ELMO1: variants seen among roughly 807,000 people sequenced by gnomAD.
The protein encoded by ELMO1 is engulfment and cell motility 1, also known as engulfment and cell motility protein 1.
ELMO1 carries 26 observed loss-of-function variants against 98.9 expected under a neutral mutation model. That is an observed-to-expected ratio of 0.26 (90% confidence interval 0.19 to 0.36). The LOEUF is 0.36. Among genes scored for constraint, ELMO1 ranks in the 10% least tolerant of loss-of-function variants. The pLI is 1.00. For missense variants in ELMO1, 627 were observed against 935.2 expected (o/e 0.67, Z 4.30); for synonymous variants, 346 against 346.0 (o/e 1.00, Z 0.00).
chr7:37,001,701 C>T (rs531436634), intron 16 of ELMO1, among the ~76,000 whole-genome samples: 40 of 152,192 alleles, frequency 2.6e-4, no homozygotes, highest in South Asian at 2.1e-3. Flanking sequence ...TGGGGGAAGA[C>T]GTTTCTGGTA....
At chr7:37,169,418 A>T (rs1789991226) in intron 13 of ELMO1, among the ~76,000 whole-genome samples, 1 of 151,988 alleles carries the variant, frequency 6.6e-6, no homozygotes, top group Non-Finnish European at 1.5e-5. Context: ...TGCAGAAATC[A>T]CCCGTCTTCT....
chr7:37,196,841 TCTTGTGG>T (rs1046521850), intron 13 of ELMO1, among the ~76,000 whole-genome samples: 1 of 152,206 alleles, frequency 6.6e-6, no homozygotes, highest in African/African-American at 2.4e-5. Flanking sequence ...GTGTCTTGTG[TCTTGTGG>T]AGACAGAATG....
chr7:37,414,640 AC>A (rs1439312762), intron 1 of ELMO1, among the ~76,000 whole-genome samples: 1 of 152,216 alleles, frequency 6.6e-6, no homozygotes, highest in African/African-American at 2.4e-5. Context: ...ACCCTAAATG[AC>A]CCAGAGAGTG....
At chr7:37,179,279 C>CTTTT (rs67076734) in intron 13 of ELMO1, among the ~76,000 whole-genome samples, 5 of 135,356 alleles carry the variant, frequency 3.7e-5, no homozygotes, top group Admixed American at 1.5e-4. Context: ...GCATATAGCT[C>CTTTT]TTTTTTTTTT....
chr7:37,278,825 T>A (rs1028920966), intron 4 of ELMO1, among the ~76,000 whole-genome samples: 2 of 152,200 alleles, frequency 1.3e-5, no homozygotes, highest in South Asian at 4.1e-4. Context: ...CTCTGTCTTA[T>A]CAGGGTCAAT....
At chr7:36,956,909 T>C (rs1401002545) in intron 16 of ELMO1, among the ~76,000 whole-genome samples, 1 of 152,212 alleles carries the variant, frequency 6.6e-6, no homozygotes, top group Non-Finnish European at 1.5e-5. Context: ...ACTACTCTTC[T>C]GGTAGCCTGT....
At chr7:37,039,116 T>C (rs1795354710) in intron 15 of ELMO1, among the ~76,000 whole-genome samples, 1 of 152,048 alleles carries the variant, frequency 6.6e-6, no homozygotes, top group Non-Finnish European at 1.5e-5. Context: ...AGAAAATGAG[T>C]CACTGCTCCA....
rs149722496 is a variant in ELMO1 at position 37,271,874 on chromosome 7, A to G, written c.201T>C (p.Asn67=). 17 of 1,609,734 alleles carry G rather than the reference A, an allele frequency of 1.1e-5. No homozygotes were observed. In the African/African-American group the frequency reaches 2.3e-4, roughly 22 times the overall value. Residue 67 remains asparagine, a synonymous_variant, in exon 5 of 22, where the codon AAT becomes AAC. Coordinates refer to ENST00000310758, the MANE Select transcript of ELMO1 (RefSeq NM_014800.11). ...SNFYITEKNR[N]EIKNGTILRL... ...GAAGGATAGTGCCATTTTTTATCTCATTGCGGTTCTGGAAAAGAAGAAAAA... is the reference window on the plus strand; with the variant it reads ...GAAGGATAGTGCCATTTTTTATCTCGTTGCGGTTCTGGAAAAGAAGAAAAA...
intron 14 of ELMO1, 101 bp downstream of exon 14, chr7:37,133,029 T>A: frequency 1.4e-6 from 1 of 710,776 alleles, no homozygotes; most frequent in South Asian, 4.2e-5. Flanking sequence ...AGACAGAAAA[T>A]ATGGGGTCAC....
chr7:37,181,757 T>C (rs1219822309), intron 13 of ELMO1, among the ~76,000 whole-genome samples: 3 of 152,228 alleles, frequency 2.0e-5, no homozygotes, highest in African/African-American at 2.4e-5. Context: ...TGAGGTTTGA[T>C]TGCAGGTCAG....
intron 3 of ELMO1, among the ~76,000 whole-genome samples, chr7:37,315,708 C>T (rs1799118150): frequency 6.6e-6 from 1 of 152,218 alleles, no homozygotes; most frequent in South Asian, 2.1e-4. Flanking sequence ...CCACTGTGCA[C>T]ATAACAGCCA....
chr7:37,061,564 T>C (rs1325848148), intron 15 of ELMO1, among the ~76,000 whole-genome samples: 1 of 152,078 alleles, frequency 6.6e-6, no homozygotes, highest in African/African-American at 2.4e-5. Context: ...AAAACAGACA[T>C]TGAGGTGGAC....
chr7:37,187,005 G>T (rs1187515342), intron 13 of ELMO1, among the ~76,000 whole-genome samples: 1 of 152,172 alleles, frequency 6.6e-6, no homozygotes, highest in Non-Finnish European at 1.5e-5. Flanking sequence ...AACTTATACA[G>T]AAGTGTTCAT....
intron 16 of ELMO1, among the ~76,000 whole-genome samples, chr7:37,000,169 A>G (rs1792549254): frequency 6.6e-6 from 1 of 152,200 alleles, no homozygotes; most frequent in African/African-American, 2.4e-5. Context: ...TTGTGGCAAT[A>G]AATACATTTT....
chr7:37,257,188 C>T (rs1398109013), intron 6 of ELMO1, among the ~76,000 whole-genome samples: 29 of 152,194 alleles, frequency 1.9e-4, no homozygotes, highest in Non-Finnish European at 4.4e-5. Flanking sequence ...CACAGTCACA[C>T]CAGAGAGCAA....
chr7:36,853,255 A>G lies in ELMO1; in HGVS notation c.*2296T>C, dbSNP rs202063905. 9.2e-5 allele frequency among the ~76,000 whole-genome samples: 14 copies of G among 152,282 alleles called. No homozygotes were observed. The East Asian group carries it at 2.7e-3, about 29-fold the overall frequency. On this transcript the variant is annotated 3_prime_UTR_variant, in exon 22 of 22. Coordinates refer to ENST00000310758, the MANE Select transcript of ELMO1 (RefSeq NM_014800.11). ...GAGAATGCTGCCTTTCATAGTCCTG[A>G]AAAGGTTTCTTTCTATTAAATGCAC...
intron 15 of ELMO1, among the ~76,000 whole-genome samples, chr7:37,017,464 AGAGTCGTCATAT>A (rs1794006865): frequency 6.6e-6 from 1 of 152,222 alleles, no homozygotes; most frequent in Admixed American, 6.5e-5. Context: ...CTTGTGATTA[AGAGTCGTCATAT>A]GACCCAATCC....
intron 1 of ELMO1, among the ~76,000 whole-genome samples, chr7:37,422,629 AT>A (rs1175742274): frequency 6.6e-5 from 10 of 152,258 alleles, no homozygotes; most frequent in African/African-American, 2.4e-4. Flanking sequence ...AGGTCTACAA[AT>A]AGATGAAGCA....
chr7:37,325,402 C>G (rs1194087619), intron 2 of ELMO1, among the ~76,000 whole-genome samples: 1 of 152,136 alleles, frequency 6.6e-6, no homozygotes, highest in African/African-American at 2.4e-5. Flanking sequence ...CTTTTAGATT[C>G]TCTTTTTTTT....
Sources: gnomAD v4.1 joint callset for allele counts (sites outside exome capture counted in the v4.1 genomes callset) on GRCh38, gnomAD v4.1.1 for gene constraint, MANE v1.5 for transcripts, NCBI Gene and HGNC (gene_info 2026-07-23, HGNC 2026-07-21) for gene names.